Variants in KDSR observed in about 807,000 individuals in gnomAD.
KDSR encodes the protein 3-ketodihydrosphingosine reductase.
KDSR carries 23 observed loss-of-function variants against 41.3 expected under a neutral mutation model. That is an observed-to-expected ratio of 0.56 (90% confidence interval 0.40 to 0.79). The LOEUF is 0.79. Among genes scored for constraint, KDSR ranks in the 30% least tolerant of loss-of-function variants. KDSR has a pLI of 0.00. For synonymous variants in KDSR, 138 were observed against 151.7 expected, an observed-to-expected ratio of 0.91 and a Z score of 0.66; for missense variants, 351 against 416.8, an observed-to-expected ratio of 0.84 and a Z score of 1.37.
At chr18:63,364,310 T>G (rs1199183539) in intron 1 of KDSR, among the ~76,000 whole-genome samples, 1 of 152,140 alleles carries the variant, frequency 6.6e-6, no homozygotes, top group Non-Finnish European at 1.5e-5. Flanking sequence ...CAACCACCTC[T>G]CCTATCACCT....
At chr18:63,337,358 C>T (rs1054131502) in intron 8 of KDSR, among the ~76,000 whole-genome samples, 6 of 152,010 alleles carry the variant, frequency 3.9e-5, no homozygotes, top group South Asian at 2.1e-4. Flanking sequence ...TCAGGTGATC[C>T]GCCCGCCTTG....
intron 9 of KDSR, among the ~76,000 whole-genome samples, chr18:63,334,352 CTTT>C (rs71162625): frequency 1.4e-5 from 2 of 143,672 alleles, no homozygotes; most frequent in African/African-American, 2.5e-5. Flanking sequence ...GCACTACTAT[CTTT>C]TTTTTTTTTT....
At chr18:63,341,292 G>A (rs1207898764) in intron 7 of KDSR, among the ~76,000 whole-genome samples, 4 of 152,010 alleles carry the variant, frequency 2.6e-5, no homozygotes, top group East Asian at 1.9e-4. Flanking sequence ...TTAGACATAA[G>A]AGAAAATATG....
At chr18:63,349,668 G>A (rs1046081663) in intron 6 of KDSR, among the ~76,000 whole-genome samples, 7 of 152,340 alleles carry the variant, frequency 4.6e-5, no homozygotes, top group East Asian at 1.9e-4. Flanking sequence ...GTACTGCAAC[G>A]CTCGTCCCAT....
intron 6 of KDSR, among the ~76,000 whole-genome samples, chr18:63,349,776 C>A (rs998254349): frequency 6.6e-6 from 1 of 152,228 alleles, no homozygotes; most frequent in African/African-American, 2.4e-5. Flanking sequence ...CCAGATCTGG[C>A]CCTCTGCCTG....
chr18:63,351,740 C>T (rs1261006059), intron 5 of KDSR, among the ~76,000 whole-genome samples: 1 of 152,102 alleles, frequency 6.6e-6, no homozygotes, highest in African/African-American at 2.4e-5. Context: ...TTCTCCTTGT[C>T]TTGGAAGCTT....
intron 2 of KDSR, among the ~76,000 whole-genome samples, 165 bp downstream of exon 2, chr18:63,362,614 A>G (rs1344171949): frequency 6.6e-6 from 1 of 152,228 alleles, no homozygotes; most frequent in African/African-American, 2.4e-5. Context: ...TTCAACAGAG[A>G]AGTGTTTGGC....
In KDSR at chr18:63,359,836, G is replaced by A. The variant is rs78848233; in HGVS notation, c.199-44C>T. The A allele has an allele frequency of 2.4e-3, 3,123 of 1,311,534 alleles. 62 individuals carry two copies. In the African/African-American group the frequency reaches 0.041, roughly 17 times the overall value. 81.2% of individuals were successfully genotyped at this position (1,311,534 alleles called of 1,614,324 possible). ...AATTAGTCGTGATGACCGTCTATATGCATGTCCGTTTATTGCAAAGGAGAG... is the reference window on the plus strand; with the variant it reads ...AATTAGTCGTGATGACCGTCTATATACATGTCCGTTTATTGCAAAGGAGAG... On this transcript the variant is annotated intron_variant, in intron 2 of 9. Transcript: ENST00000645214.
At chr18:63,347,008 G>C (rs1039727145) in intron 6 of KDSR, among the ~76,000 whole-genome samples, 10 of 152,058 alleles carry the variant, frequency 6.6e-5, no homozygotes, top group African/African-American at 2.4e-4. Flanking sequence ...CTAGCTCCCT[G>C]AGATCACCAC....
intron 5 of KDSR, among the ~76,000 whole-genome samples, chr18:63,351,724 T>G (rs1314615851): frequency 6.6e-6 from 1 of 152,174 alleles, no homozygotes; most frequent in Non-Finnish European, 1.5e-5. Context: ...GTACTAATAG[T>G]GTATTTTCTC....
intron 5 of KDSR, among the ~76,000 whole-genome samples, chr18:63,351,391 C>A (rs1435739629): frequency 6.6e-6 from 1 of 152,126 alleles, no homozygotes; most frequent in Non-Finnish European, 1.5e-5. Context: ...AAGTATACTG[C>A]ATGTTTGTGG....
intron 2 of KDSR, among the ~76,000 whole-genome samples, chr18:63,360,999 A>ATAT (rs1464424043): frequency 8.8e-5 from 10 of 114,094 alleles, no homozygotes; most frequent in Non-Finnish European, 1.4e-4. Context: ...TACTAAAAAA[A>ATAT]AAATATATAT....
In KDSR at chr18:63,364,282, G is replaced by A. The variant is rs141230668; in HGVS notation, c.109-1414C>T. ...ATAATAAACAGCTCTAGATTTATTT[G>A]TGTGATTATCTGATTCACAACCACC... On this transcript the variant is annotated intron_variant, in intron 1 of 9. Coordinates refer to ENST00000645214, the MANE Select transcript of KDSR (RefSeq NM_002035.4). 3.0e-3 allele frequency among the ~76,000 whole-genome samples: 461 copies of A among 152,138 alleles called. 7 individuals carry two copies. The highest frequency in any genetic ancestry group is 0.01 in the African/African-American group (424 of 41,482).
intron 6 of KDSR, among the ~76,000 whole-genome samples, chr18:63,347,488 T>C (rs1262901846): frequency 7.6e-5 from 7 of 91,522 alleles, no homozygotes; most frequent in Non-Finnish European, 5.9e-5. Context: ...AGAGTGAGAC[T>C]CCATCTCAAA....
At chr18:63,362,967 C>T in intron 1 of KDSR, 99 bp from the exon 2 acceptor site, 2 of 748,186 alleles carry the variant, frequency 2.7e-6, no homozygotes, top group Non-Finnish European at 4.6e-6. Flanking sequence ...AATGAATCTA[C>T]AAGAACTAAA....
At chr18:63,331,941 A>G (rs1305222340) in intron 9 of KDSR, 40 bp from the exon 10 acceptor site, 1 of 1,602,274 alleles carries the variant, frequency 6.2e-7, no homozygotes, top group Non-Finnish European at 8.5e-7. Context: ...ATCCAACGGT[A>G]CAAGACTATT....
intron 1 of KDSR, chr18:63,366,254 C>T (rs1483797839): frequency 6.6e-6 from 1 of 152,356 alleles, no homozygotes; most frequent in African/African-American, 2.4e-5. Flanking sequence ...TCACACCTAT[C>T]CACCTCTCCT....
intron 9 of KDSR, among the ~76,000 whole-genome samples, chr18:63,334,355 T>C (rs1174617721): frequency 6.6e-6 from 1 of 151,474 alleles, no homozygotes; most frequent in African/African-American, 2.4e-5. Flanking sequence ...CTACTATCTT[T>C]TTTTTTTTTT....
intron 9 of KDSR, among the ~76,000 whole-genome samples, chr18:63,333,120 C>T (rs2144345890): frequency 6.6e-6 from 1 of 152,066 alleles, no homozygotes; most frequent in African/African-American, 2.4e-5. Flanking sequence ...GAGACAGGGT[C>T]TTGCTCTGTC....
Sources: gnomAD v4.1 joint callset for allele counts (sites outside exome capture counted in the v4.1 genomes callset) on GRCh38, gnomAD v4.1.1 for gene constraint, MANE v1.5 for transcripts, NCBI Gene and HGNC (gene_info 2026-07-23, HGNC 2026-07-21) for gene names.